The following TBL1X variants were observed in gnomAD, a reference collection of about 807,000 sequenced individuals.
TBL1X encodes F-box-like/WD repeat-containing protein TBL1X.
Under a neutral mutation model 50.7 loss-of-function variants are expected in TBL1X, and 10 were observed. The ratio of observed to expected loss-of-function variants is 0.20; its 90% CI spans 0.12 to 0.33. The LOEUF (loss-of-function observed/expected upper bound fraction) is 0.33, where lower values mean the gene tolerates loss of function less well. Ranked by LOEUF, TBL1X falls within the 10% of genes least tolerant of loss-of-function variation. The pLI, the probability that TBL1X is intolerant of heterozygous loss-of-function variation, is 1.00. For missense variants in TBL1X, 340 were observed against 504.4 expected (o/e 0.67, Z 3.12); for synonymous variants, 190 against 214.7 (o/e 0.88, Z 1.01).
chrX:9,649,860 C>T (rs2082824182), intron 3 of TBL1X, among the ~76,000 whole-genome samples: 1 of 112,035 alleles, frequency 8.9e-6, no homozygotes, highest in African/African-American at 3.2e-5. Context: ...ATAATCATGG[C>T]TCACTGCAGC....
At chrX:9,575,606 T>C (rs1292654494) in intron 2 of TBL1X, among the ~76,000 whole-genome samples, 7 of 111,850 alleles carry the variant, frequency 6.3e-5, no homozygotes, top group Non-Finnish European at 9.4e-5. Context: ...GCCTCCACTG[T>C]TTGGCGATTG....
chrX:9,666,988 T>C (rs1255419767), intron 5 of TBL1X, among the ~76,000 whole-genome samples: 1 of 112,152 alleles, frequency 8.9e-6, no homozygotes, highest in Non-Finnish European at 1.9e-5. Flanking sequence ...TTAAGGATCG[T>C]CTTAACCTAA....
At position 9,512,173 on chromosome X, in the gene TBL1X, C is replaced by A. The variant is rs150491666; in HGVS notation, c.-131+10324C>A. ...CTTGGATTACAGGCATGAGTCACCA[C>A]GCCTGGCCTTAACATTGATCTTGAT... On this transcript the variant is annotated intron_variant, in intron 2 of 17. Transcript: ENST00000645353. Among the ~76,000 whole-genome samples the A allele has an allele frequency of 2.7e-5, 3 of 111,572 alleles. No homozygotes were observed. In the East Asian group the frequency reaches 8.5e-4, roughly 32 times the overall value.
At chrX:9,680,217 A>G (rs2083017714) in intron 5 of TBL1X, among the ~76,000 whole-genome samples, 1 of 111,727 alleles carries the variant, frequency 9.0e-6, no homozygotes, top group Non-Finnish European at 1.9e-5. Context: ...TCTCCCACAT[A>G]CAAATCTGGG....
chrX:9,556,158 C>G (rs1417366687), intron 2 of TBL1X, among the ~76,000 whole-genome samples: 1 of 106,803 alleles, frequency 9.4e-6, no homozygotes, highest in East Asian at 3.0e-4. Flanking sequence ...CACTGTATTC[C>G]AGCCTAGGTG....
At chrX:9,617,547 C>T (rs2082645225) in intron 2 of TBL1X, among the ~76,000 whole-genome samples, 1 of 112,060 alleles carries the variant, frequency 8.9e-6, no homozygotes, top group African/African-American at 3.2e-5. Context: ...TATTCTAGTT[C>T]AATTTAGGAG....
At chrX:9,551,958 A>C (rs1172791554) in intron 2 of TBL1X, among the ~76,000 whole-genome samples, 1 of 111,862 alleles carries the variant, frequency 8.9e-6, no homozygotes, top group African/African-American at 3.2e-5. Context: ...GACTGGGAGA[A>C]GAAGGGCCTG....
intron 2 of TBL1X, among the ~76,000 whole-genome samples, chrX:9,506,651 A>G (rs1157535763): frequency 8.9e-6 from 1 of 112,374 alleles, no homozygotes; most frequent in African/African-American, 3.2e-5. Flanking sequence ...AGAGAATACT[A>G]TAAACACCTC....
At chrX:9,465,792 C>T (rs767194246) in intron 1 of TBL1X, among the ~76,000 whole-genome samples, 6 of 113,091 alleles carry the variant, frequency 5.3e-5, no homozygotes, top group Non-Finnish European at 9.4e-5. Context: ...TCCGGTGCCC[C>T]TTTGTCTGCC....
At chrX:9,472,330 G>T (rs1358801387) in intron 1 of TBL1X, among the ~76,000 whole-genome samples, 1 of 110,941 alleles carries the variant, frequency 9.0e-6, no homozygotes, top group Non-Finnish European at 1.9e-5. Context: ...CCTGATCATA[G>T]CTCACTGCAG....
chrX:9,554,652 A>G (rs1160728341), intron 2 of TBL1X, among the ~76,000 whole-genome samples: 6 of 112,419 alleles, frequency 5.3e-5, no homozygotes, highest in Non-Finnish European at 9.4e-5. Context: ...GTACAGTAAC[A>G]ATGTGATATA....
chrX:9,547,062 C>T (rs1386365986), intron 2 of TBL1X, among the ~76,000 whole-genome samples: 1 of 109,331 alleles, frequency 9.1e-6, no homozygotes, highest in African/African-American at 3.3e-5. Context: ...TCGTGATCCG[C>T]CCGCCTCGGC....
intron 2 of TBL1X, among the ~76,000 whole-genome samples, chrX:9,625,690 G>A (rs2082688895): frequency 8.9e-6 from 1 of 112,469 alleles, no homozygotes; most frequent in Non-Finnish European, 1.9e-5. Context: ...TGTAATCCCA[G>A]CACTTTGGGA....
chrX:9,521,748 A>G (rs1006041586), intron 2 of TBL1X, among the ~76,000 whole-genome samples: 1 of 111,381 alleles, frequency 9.0e-6, no homozygotes, highest in African/African-American at 3.3e-5. Flanking sequence ...GGCCAATTGT[A>G]TTTATTGAAA....
chrX:9,603,843 T>TTGGTGTTGC (rs2146550867), intron 2 of TBL1X, among the ~76,000 whole-genome samples: 1 of 110,780 alleles, frequency 9.0e-6, no homozygotes, highest in African/African-American at 3.3e-5. Flanking sequence ...CTTGCTGCTT[T>TTGGTGTTGC]TGGTGTTGCT....
At chrX:9,578,683 C>A (rs139939147) in intron 2 of TBL1X, among the ~76,000 whole-genome samples, 1 of 111,563 alleles carries the variant, frequency 9.0e-6, no homozygotes, top group Non-Finnish European at 1.9e-5. Context: ...CTCCTGGCAT[C>A]GTGGAATTGA....
intron 2 of TBL1X, among the ~76,000 whole-genome samples, chrX:9,551,364 C>T (rs772578837): frequency 6.3e-5 from 7 of 110,253 alleles, no homozygotes; most frequent in Non-Finnish European, 1.3e-4. Context: ...GGTGAGGCGG[C>T]GAACACGTTC....
intron 2 of TBL1X, among the ~76,000 whole-genome samples, chrX:9,530,290 T>C (rs1330341392): frequency 8.9e-6 from 1 of 112,246 alleles, no homozygotes; most frequent in Non-Finnish European, 1.9e-5. Context: ...GAGAGGATAC[T>C]GAATGCAGAA....
intron 2 of TBL1X, among the ~76,000 whole-genome samples, chrX:9,609,339 GTGTGTGTGTGTGTGTGTGT>G (rs2082601065): frequency 1.0e-5 from 1 of 99,903 alleles, no homozygotes; most frequent in Non-Finnish European, 2.0e-5. Context: ...TCTTCCAGGT[GTGTGTGTGTGTGTGTGTGT>G]GTGTGTGTGT....
Sources: gnomAD v4.1 joint callset for allele counts (sites outside exome capture counted in the v4.1 genomes callset) on GRCh38, gnomAD v4.1.1 for gene constraint, MANE v1.5 for transcripts, NCBI Gene and HGNC (gene_info 2026-07-23, HGNC 2026-07-21) for gene names.